Variants in NLRC5 observed in about 807,000 individuals in gnomAD.
The protein encoded by NLRC5 is NLR family CARD domain containing 5, also known as protein NLRC5.
A neutral mutation model predicts 206.9 loss-of-function variants in NLRC5; 114 were observed. The observed-to-expected ratio is 0.55, with a 90% confidence interval of 0.47 to 0.64. The LOEUF (loss-of-function observed/expected upper bound fraction) is 0.64. Ranked by LOEUF, NLRC5 falls within the 30% of genes least tolerant of loss-of-function variation. The pLI is 0.00. For missense variants in NLRC5, 2,008 were observed against 2,305.5 expected (o/e 0.87, Z 2.64); for synonymous variants, 952 against 962.8 (o/e 0.99, Z 0.21).
chr16:57,071,087 G>A (rs368113165), intron 38 of NLRC5, among the ~76,000 whole-genome samples: 1 of 140,190 alleles, frequency 7.1e-6, no homozygotes, highest in Non-Finnish European at 1.6e-5. Flanking sequence ...GTGAGTGAGT[G>A]GTGTTGGTGG....
intron 23 of NLRC5, 114 bp from the exon 24 acceptor site, chr16:57,051,424 A>G (rs1567605806): frequency 1.4e-6 from 1 of 740,072 alleles, no homozygotes; most frequent in Admixed American, 2.0e-5. Context: ...CTGGGAGGGA[A>G]TGTTTCAGGT....
intron 1 of NLRC5, chr16:57,013,261 AT>A: frequency 1.8e-6 from 1 of 550,656 alleles, no homozygotes; most frequent in Admixed American, 2.8e-5. Flanking sequence ...GCACTCCAGG[AT>A]TTTGAGCTAT....
At chr16:57,042,735 C>G (rs2063443025) in intron 19 of NLRC5, among the ~76,000 whole-genome samples, 1 of 152,200 alleles carries the variant, frequency 6.6e-6, no homozygotes, top group African/African-American at 2.4e-5. Context: ...TACATCCCCT[C>G]TCCGAGTCCC....
At position 57,083,421 on chromosome 16, in the gene NLRC5, T is replaced by G. The variant is rs1408903850; in HGVS notation, c.*893T>G. The stretch of plus-strand genomic sequence containing the variant: ...GGGATTCAGGTGAGTCTCCATGCAC[T>G]TCACATGTTACCCAGTGTTCTTGTT... On this transcript the variant is annotated 3_prime_UTR_variant, in exon 49 of 49. Coordinates refer to ENST00000688547, the MANE Select transcript of NLRC5 (RefSeq NM_001384950.1). 4 of 152,230 alleles carry G rather than the reference T, an allele frequency of 2.6e-5. No homozygotes were observed. Among genetic ancestry groups the G allele is most frequent in the East Asian group, 1.9e-4 (1 of 5,206 alleles). The allele number at this position is 152,230 out of a possible 1,614,324, so 9.4% of individuals were successfully genotyped here.
intron 1 of NLRC5, among the ~76,000 whole-genome samples, chr16:57,000,054 C>T (rs527446450): frequency 2.0e-5 from 3 of 152,300 alleles, no homozygotes; most frequent in South Asian, 4.1e-4. Context: ...CCAGGTGATG[C>T]CGTCGTGCAG....
At chr16:57,062,182 T>C in intron 32 of NLRC5, 1 of 562,062 alleles carries the variant, frequency 1.8e-6, no homozygotes, top group Non-Finnish European at 3.0e-6. Flanking sequence ...AAGTAAGTTA[T>C]AGACCTCATA....
intron 1 of NLRC5, among the ~76,000 whole-genome samples, chr16:56,993,253 T>A (rs1380417801): frequency 6.6e-6 from 1 of 151,402 alleles, no homozygotes; most frequent in Non-Finnish European, 1.5e-5. Flanking sequence ...TTTTTTTTTT[T>A]AAACTTAGTG....
At chr16:57,060,210 C>A (rs2066263508) in intron 30 of NLRC5, among the ~76,000 whole-genome samples, 1 of 151,898 alleles carries the variant, frequency 6.6e-6, no homozygotes, top group East Asian at 1.9e-4. Context: ...GAGGGATCTT[C>A]ACAACACACA....
intron 1 of NLRC5, among the ~76,000 whole-genome samples, chr16:57,012,271 G>A (rs1017554246): frequency 1.5e-4 from 23 of 152,112 alleles, no homozygotes; most frequent in Admixed American, 1.4e-3. Context: ...TGGGTATTTG[G>A]GTTGATTTCA....
chr16:57,061,331 G>A (rs779961474), intron 30 of NLRC5, 117 bp from the exon 31 acceptor site: 12 of 991,504 alleles, frequency 1.2e-5, no homozygotes, highest in East Asian at 7.8e-5. Context: ...CCTGCTCCAG[G>A]CCTTTGCCCT....
chr16:57,040,881 C>T (rs1252599241), intron 17 of NLRC5, among the ~76,000 whole-genome samples, 163 bp downstream of exon 17: 1 of 152,138 alleles, frequency 6.6e-6, no homozygotes, highest in Non-Finnish European at 1.5e-5. Flanking sequence ...CCTACCTCCC[C>T]TGCCCAGCCC....
intron 19 of NLRC5, 111 bp from the exon 20 acceptor site, chr16:57,043,404 G>A: frequency 1.2e-6 from 1 of 845,670 alleles, no homozygotes; most frequent in Non-Finnish European, 2.1e-6. Flanking sequence ...TGGGTTCAGT[G>A]GGTTCCGTCA....
intron 20 of NLRC5, 199 bp downstream of exon 20, chr16:57,043,803 C>T (rs567059404): frequency 2.2e-5 from 13 of 599,132 alleles, no homozygotes; most frequent in East Asian, 2.0e-4. Context: ...TATGGCCTCA[C>T]GGATGCTCAA....
At chr16:57,064,036 C>A (rs2066829682) in intron 32 of NLRC5, among the ~76,000 whole-genome samples, 1 of 151,644 alleles carries the variant, frequency 6.6e-6, no homozygotes, top group African/African-American at 2.4e-5. Flanking sequence ...CTGCACCCAG[C>A]CAAAATAACA....
At chr16:57,041,228 GCT>G (rs772988342) in intron 17 of NLRC5, 63 of 499,152 alleles carry the variant, frequency 1.3e-4, no homozygotes, top group Non-Finnish European at 1.5e-4. Flanking sequence ...CCTCTGATCT[GCT>G]CTCTCTCTCT....
chr16:57,012,241 T>C (rs1238267294), intron 1 of NLRC5, among the ~76,000 whole-genome samples: 1 of 152,254 alleles, frequency 6.6e-6, no homozygotes, highest in Non-Finnish European at 1.5e-5. Context: ...TCACAGTTTG[T>C]TTCTCCATTC....
intron 18 of NLRC5, 134 bp from the exon 19 acceptor site, chr16:57,041,848 T>G (rs1193888073): frequency 3.0e-6 from 2 of 670,336 alleles, no homozygotes; most frequent in African/African-American, 3.7e-5. Flanking sequence ...GTGCCAGATC[T>G]GCTGAGATCT....
chr16:56,996,884 T>C (rs546869580), intron 1 of NLRC5, among the ~76,000 whole-genome samples: 52 of 152,334 alleles, frequency 3.4e-4, no homozygotes, highest in African/African-American at 1.2e-3. Flanking sequence ...TTTATTTTGT[T>C]TTTGAGACAG....
At chr16:57,071,285 T>G (rs1203287176) in intron 38 of NLRC5, among the ~76,000 whole-genome samples, 2 of 125,358 alleles carry the variant, frequency 1.6e-5, no homozygotes, top group Non-Finnish European at 3.2e-5. Context: ...GGTTGGTTAA[T>G]GGGGAAGCGT....
Sources: allele counts gnomAD v4.1 joint callset (sites outside exome capture counted in the v4.1 genomes callset), GRCh38; gene constraint gnomAD v4.1.1; transcripts MANE v1.5; gene names NCBI Gene and HGNC (gene_info 2026-07-23, HGNC 2026-07-21).